CNGB1: variants seen among roughly 807,000 people sequenced by gnomAD.
The protein encoded by CNGB1 is cyclic nucleotide gated channel subunit beta 1, also known as cyclic nucleotide-gated channel beta-1.
In CNGB1, 126 loss-of-function variants were observed where a neutral mutation model predicts 151.7. The ratio of observed to expected loss-of-function variants is 0.83; its 90% CI spans 0.72 to 0.96. CNGB1 has a LOEUF of 0.96. Ranked by LOEUF, CNGB1 falls within the 40% of genes least tolerant of loss-of-function variation. The probability of loss-of-function intolerance (pLI) is 0.00; values close to 1 mark genes in which losing one functional copy is unlikely to be tolerated. For synonymous variants in CNGB1, 623 were observed against 635.1 expected, an observed-to-expected ratio of 0.98 and a Z score of 0.29; for missense variants, 1,698 against 1,627.0, an observed-to-expected ratio of 1.04 and a Z score of -0.75.
intron 16 of CNGB1, among the ~76,000 whole-genome samples, chr16:57,936,536 T>G (rs1450104329): frequency 6.6e-6 from 1 of 152,258 alleles, no homozygotes; most frequent in Non-Finnish European, 1.5e-5. Context: ...CTTATGCCTG[T>G]AATCCCAGCA....
chr16:57,896,781 C>G (rs1257914287), intron 31 of CNGB1, among the ~76,000 whole-genome samples: 1 of 151,068 alleles, frequency 6.6e-6, no homozygotes, highest in Non-Finnish European at 1.5e-5. Context: ...GGCCTATATG[C>G]TTAAAAGAAG....
At position 57,911,610 on chromosome 16, in the gene CNGB1, T is replaced by G. The variant is rs944746817; in HGVS notation, c.2492+143A>C. On this transcript the variant is annotated intron_variant, in intron 25 of 32. Coordinates refer to ENST00000251102, the MANE Select transcript of CNGB1 (RefSeq NM_001297.5). Reference sequence around the variant, plus strand: ...GGCCCAAGATGTGGCTCTTGAGCCTTGTCATGCCAGTGATTGCTTAGGAGC... The same window carrying G: ...GGCCCAAGATGTGGCTCTTGAGCCTGGTCATGCCAGTGATTGCTTAGGAGC... 5.9e-6 allele frequency: 7 copies of G among 1,191,794 alleles called. No homozygotes were observed. The African/African-American group carries it at 6.0e-5, about 10-fold the overall frequency. The allele number at this position is 1,191,794 out of a possible 1,614,324, so 73.8% of individuals were successfully genotyped here.
In CNGB1 at chr16:57,959,935, G is replaced by A. The variant is rs770568024; in HGVS notation, c.714C>T (p.Gly238=). The A allele has an allele frequency of 1.9e-6, 3 of 1,581,976 alleles. No individual in the cohort carries two copies. The highest frequency in any genetic ancestry group is 2.6e-6 in the Non-Finnish European group (3 of 1,162,220). The part of the protein sequence containing the change: ...KEAPAPEPQP[G]SQAQTSSLPP... ...GCAGGGAGGAGGTCTGGGCCTGGGA[G>A]CCGGGCTGGGGCTCTGGAGCTGGTG... The change falls in exon 10 of 33, where the codon GGC becomes GGT. Residue 238 remains glycine, a synonymous_variant. Transcript: ENST00000251102.
intron 18 of CNGB1, among the ~76,000 whole-genome samples, chr16:57,922,779 C>T (rs1168180645): frequency 2.0e-5 from 3 of 152,126 alleles, no homozygotes; most frequent in African/African-American, 7.2e-5. Context: ...TGCACCACAT[C>T]CCCTGGGGAG....
intron 1 of CNGB1, among the ~76,000 whole-genome samples, chr16:57,970,848 G>A (rs1962523882): frequency 6.6e-6 from 1 of 151,912 alleles, no homozygotes; most frequent in East Asian, 1.9e-4. Context: ...TAGATTCCTA[G>A]GTCCCCCAAG....
chr16:57,923,839 C>T (rs1961114818), intron 17 of CNGB1, among the ~76,000 whole-genome samples: 1 of 152,184 alleles, frequency 6.6e-6, no homozygotes, highest in Non-Finnish European at 1.5e-5. Context: ...CTCTCTATCA[C>T]ACCACCTTTT....
chr16:57,941,872 G>A (rs1372340240), intron 14 of CNGB1, among the ~76,000 whole-genome samples: 1 of 151,472 alleles, frequency 6.6e-6, no homozygotes, highest in African/African-American at 2.4e-5. Flanking sequence ...TTATTTTTGA[G>A]ACAGGGTCTT....
chr16:57,948,914 G>A (rs1961875649), intron 14 of CNGB1, among the ~76,000 whole-genome samples: 2 of 152,170 alleles, frequency 1.3e-5, no homozygotes, highest in African/African-American at 2.4e-5. Context: ...AGCCCTAGAA[G>A]GCATCAAAGG....
chr16:57,920,970 A>T (rs1250927557), intron 18 of CNGB1, among the ~76,000 whole-genome samples: 1 of 152,152 alleles, frequency 6.6e-6, no homozygotes, highest in African/African-American at 2.4e-5. Flanking sequence ...CTTAGGATGT[A>T]ACTGGTGGAA....
At chr16:57,940,680 C>T (rs150751015) in intron 14 of CNGB1, among the ~76,000 whole-genome samples, 14 of 152,166 alleles carry the variant, frequency 9.2e-5, no homozygotes, top group Non-Finnish European at 1.3e-4. Context: ...GCATGGAGGA[C>T]GGTTGGAGGA....
At chr16:57,957,102 G>A (rs1166149311) in intron 12 of CNGB1, among the ~76,000 whole-genome samples, 2 of 152,162 alleles carry the variant, frequency 1.3e-5, no homozygotes, top group Non-Finnish European at 2.9e-5. Flanking sequence ...ACTGGGCTCC[G>A]GGGGCCTCCA....
At chr16:57,927,625 T>G (rs1282464403) in intron 17 of CNGB1, among the ~76,000 whole-genome samples, 2 of 152,214 alleles carry the variant, frequency 1.3e-5, no homozygotes, top group Non-Finnish European at 2.9e-5. Flanking sequence ...AGTACATGCT[T>G]GCGAATGCAT....
Position 57,884,258 on chromosome 16 carries a change from T to C in CNGB1, c.3662A>G (p.His1221Arg), listed in dbSNP as rs1237045478. ...EEEGPAEPEE[H>R]SVRICMSPGP... is the part of the protein sequence containing the mutation. ...CGGGCTCATGCAGATCCTCACCGAG[T>C]GCTCTTCGGGCTCGGCCGGCCCCTC... Residue 1221 changes from histidine to arginine, a missense_variant, in exon 33 of 33, where the codon CAC (histidine) becomes CGC (arginine). Physicochemically the swap from His to Arg is conservative, Grantham distance 29. Coordinates refer to ENST00000251102, the MANE Select transcript of CNGB1 (RefSeq NM_001297.5). 3.7e-6 allele frequency: 6 copies of C among 1,613,578 alleles called. No homozygotes were observed. In the Admixed American group the frequency reaches 5.0e-5, roughly 13 times the overall value.
intron 25 of CNGB1, among the ~76,000 whole-genome samples, chr16:57,905,536 G>A (rs1424578916): frequency 6.6e-6 from 1 of 152,248 alleles, no homozygotes; most frequent in African/African-American, 2.4e-5. Context: ...CTACTGTGTG[G>A]TAAAAGGCAT....
chr16:57,931,806 T>C lies in CNGB1; in HGVS notation c.1445A>G (p.Glu482Gly). The change falls in exon 17 of 33, where the codon GAA becomes GGA. Residue 482 changes from glutamate to glycine, a missense_variant. Physicochemically the swap from Glu to Gly is moderately conservative, Grantham distance 98. Coordinates refer to ENST00000251102, the MANE Select transcript of CNGB1 (RefSeq NM_001297.5). Reference protein sequence around the residue: ...TDADSCPLMAEENPPSTVLPP... With the variant: ...TDADSCPLMAGENPPSTVLPP... The stretch of plus-strand genomic sequence containing the variant: ...CAACACGGTTGAGGGTGGATTCTCT[T>C]CTGCCATGAGGGGGCAGCTATCAGC... The C allele has an allele frequency of 6.2e-7, 1 of 1,614,164 alleles. No homozygotes were observed. The highest frequency in any genetic ancestry group is 1.3e-5 in the African/African-American group (1 of 75,042).
chr16:57,966,651 C>T (rs756606324), intron 2 of CNGB1, among the ~76,000 whole-genome samples: 7 of 152,216 alleles, frequency 4.6e-5, no homozygotes, highest in Non-Finnish European at 8.8e-5. Context: ...CTGGTACAAA[C>T]TGTTTAATCA....
In CNGB1 at chr16:57,917,220, T is replaced by C. The variant is rs1391981775; in HGVS notation, c.2166+48A>G. 2.6e-6 allele frequency: 4 copies of C among 1,528,022 alleles called. No homozygotes were observed. In the East Asian group the frequency reaches 9.3e-5, roughly 36 times the overall value. 94.7% of individuals were successfully genotyped at this position (1,528,022 alleles called of 1,614,324 possible). A position where few individuals can be genotyped will look rare whatever the true frequency, so the allele number is the denominator to read the frequency against. ...GGGTCAGTGCCCTGGAGGCTCTGGC[T>C]GAGCGGTCTGCCCCCGGTCACCCCA... On this transcript the variant is annotated intron_variant, in intron 21 of 32. Transcript: ENST00000251102.
intron 1 of CNGB1, among the ~76,000 whole-genome samples, chr16:57,969,311 AAAAC>A (rs1460751300): frequency 6.6e-6 from 1 of 151,938 alleles, no homozygotes; most frequent in Non-Finnish European, 1.5e-5. Context: ...CTCCTTCTCA[AAAAC>A]AAACAGACAA....
Position 57,911,930 on chromosome 16 carries a change from A to C in CNGB1, c.2370-55T>G, listed in dbSNP as rs929535352. The C allele has an allele frequency of 9.3e-6, 15 of 1,605,644 alleles. No homozygotes were observed. In the African/African-American group the frequency reaches 2.0e-4, roughly 21 times the overall value. ...GCGGCGGAAGGGGGAGGTGAGGTAT[A>C]GACACCTGGACAGTGAGAGCCAACC... is the stretch of plus-strand genomic sequence containing the variant. On this transcript the variant is annotated intron_variant, in intron 24 of 32. Coordinates refer to ENST00000251102, the MANE Select transcript of CNGB1 (RefSeq NM_001297.5).
Sources: allele counts gnomAD v4.1 joint callset (sites outside exome capture counted in the v4.1 genomes callset), GRCh38; gene constraint gnomAD v4.1.1; transcripts MANE v1.5; gene names NCBI Gene and HGNC (gene_info 2026-07-23, HGNC 2026-07-21).